BTBD3: variants seen among roughly 807,000 people sequenced by gnomAD.
BTBD3 encodes BTB domain containing 3.
Under a neutral mutation model 41.6 loss-of-function variants are expected in BTBD3, and 14 were observed. The ratio of observed to expected loss-of-function variants is 0.34; its 90% CI spans 0.22 to 0.53. BTBD3 has a LOEUF of 0.53. BTBD3 is among the 20% of genes least tolerant of loss of function. The pLI, the probability that BTBD3 is intolerant of heterozygous loss-of-function variation, is 0.95. For missense variants in BTBD3, 426 were observed against 654.7 expected (o/e 0.65, Z 3.81); for synonymous variants, 249 against 233.7 (o/e 1.07, Z -0.60).
At chr20:11,905,602 G>A (rs1358588096) in intron 1 of BTBD3, among the ~76,000 whole-genome samples, 1 of 152,204 alleles carries the variant, frequency 6.6e-6, no homozygotes, top group Middle Eastern at 3.2e-3. Context: ...TCATTCAGGT[G>A]TGGGTGAGGA....
intron 1 of BTBD3, among the ~76,000 whole-genome samples, chr20:11,908,863 A>C (rs1268079088): frequency 1.3e-5 from 2 of 152,204 alleles, no homozygotes; most frequent in Non-Finnish European, 2.9e-5. Context: ...ATTATATTTA[A>C]GGTTATACCA....
chr20:11,891,693 C>G lies in BTBD3; in HGVS notation c.-126+739C>G, dbSNP rs562005059. On this transcript the variant is annotated intron_variant, in intron 1 of 4. Transcript: ENST00000254977. ...TCTCTTGGGAAGAAAAGGCTTTTAC[C>G]TCCTGGCCTTTTCAAAGAAAGTATT... Among the ~76,000 whole-genome samples the G allele has an allele frequency of 2.4e-4, 36 of 152,268 alleles. No individual in the cohort carries two copies. The South Asian group carries it at 3.3e-3, about 14-fold the overall frequency.
chr20:11,919,626 T>C, intron 2 of BTBD3, 92 bp from the exon 3 acceptor site: 1 of 1,367,560 alleles, frequency 7.3e-7, no homozygotes. Context: ...CTATGTTTAC[T>C]AAACCTGATT....
intron 1 of BTBD3, among the ~76,000 whole-genome samples, chr20:11,909,168 G>T (rs2122238201): frequency 6.6e-6 from 1 of 151,938 alleles, no homozygotes; most frequent in Non-Finnish European, 1.5e-5. Context: ...CAGGTATTTG[G>T]GAAGTTGAGG....
upstream of BTBD3, among the ~76,000 whole-genome samples, chr20:11,914,206 A>G (rs974657538): frequency 6.6e-6 from 1 of 152,178 alleles, no homozygotes; most frequent in African/African-American, 2.4e-5. Flanking sequence ...CCAGTGGGTG[A>G]TGTTTCTGGG....
At chr20:11,891,986 C>T (rs2056757527) in intron 1 of BTBD3, among the ~76,000 whole-genome samples, 1 of 152,106 alleles carries the variant, frequency 6.6e-6, no homozygotes, top group Non-Finnish European at 1.5e-5. Context: ...TTTTAAAGAT[C>T]CCCAGGTGAT....
At chr20:11,908,465 A>C (rs139837779) in intron 1 of BTBD3, among the ~76,000 whole-genome samples, 1 of 151,528 alleles carries the variant, frequency 6.6e-6, no homozygotes, top group East Asian at 1.9e-4. Flanking sequence ...TTGTTATGTG[A>C]TGCAGAGACT....
At chr20:11,895,825 T>C (rs190822445) in intron 1 of BTBD3, among the ~76,000 whole-genome samples, 4 of 152,340 alleles carry the variant, frequency 2.6e-5, no homozygotes, top group Admixed American at 6.5e-5. Context: ...TTGAGCAGAC[T>C]GGAGTGAGTA....
intron 1 of BTBD3, 39 bp downstream of exon 1, chr20:11,918,640 C>T (rs777857030): frequency 5.8e-5 from 88 of 1,523,836 alleles, no homozygotes; most frequent in Non-Finnish European, 7.0e-5. Flanking sequence ...AAAAGTTTTC[C>T]TGTGTTGAAG....
rs1004735686 is a variant in BTBD3, at chr20:11,924,322, C to G, written c.*656C>G. The G allele has an allele frequency of 1.3e-5, 2 of 152,102 alleles. No homozygotes were observed. The highest frequency in any genetic ancestry group is 4.8e-5 in the African/African-American group (2 of 41,418). The allele number at this position is 152,102 out of a possible 1,614,324, so 9.4% of individuals were successfully genotyped here. On this transcript the variant is annotated 3_prime_UTR_variant, in exon 4 of 4. Coordinates refer to ENST00000378226, the MANE Select transcript of BTBD3 (RefSeq NM_014962.4). ...TTGTTTAGGCCATGACTTCTACAAGCAGATTTCTTTTCTTTTAGTTTAGAA... is the reference window on the plus strand; with the variant it reads ...TTGTTTAGGCCATGACTTCTACAAGGAGATTTCTTTTCTTTTAGTTTAGAA...
At chr20:11,898,643 A>G (rs2056805092) in intron 1 of BTBD3, among the ~76,000 whole-genome samples, 1 of 152,202 alleles carries the variant, frequency 6.6e-6, no homozygotes, top group South Asian at 2.1e-4. Context: ...TATTTTTTGA[A>G]TGAATGAATG....
At chr20:11,922,251 C>G (rs114732009) in intron 3 of BTBD3, among the ~76,000 whole-genome samples, 1 of 152,074 alleles carries the variant, frequency 6.6e-6, no homozygotes, top group Non-Finnish European at 1.5e-5. Flanking sequence ...TAAAACATAA[C>G]GAGACTATTC....
At chr20:11,915,027 C>CT (rs1185482275), upstream of BTBD3, among the ~76,000 whole-genome samples, 7 of 152,176 alleles carry the variant, frequency 4.6e-5, no homozygotes, top group Admixed American at 4.6e-4. Context: ...TCGCCTTTCT[C>CT]TATTTTAAGT....
At chr20:11,914,635 TA>T (rs113382976), upstream of BTBD3, among the ~76,000 whole-genome samples, 95 of 145,174 alleles carry the variant, frequency 6.5e-4, 1 homozygote, top group African/African-American at 1.7e-3. Flanking sequence ...AATAATAAAA[TA>T]AAAAAAAAAG....
At chr20:11,890,904 G>C (rs1304056638) in exon 1 of BTBD3, 5 of 984,960 alleles carry the variant, frequency 5.1e-6, no homozygotes, top group Non-Finnish European at 4.8e-6. Context: ...AGCGGGCACA[G>C]GGCAAGGCGG....
chr20:11,916,007 C>A (rs937945892), upstream of BTBD3, among the ~76,000 whole-genome samples: 1 of 152,072 alleles, frequency 6.6e-6, no homozygotes, highest in South Asian at 2.1e-4. Context: ...ATCACAAACC[C>A]TTCTAAGTTC....
chr20:11,909,727 A>G (rs2056878129), intron 1 of BTBD3: 1 of 152,248 alleles, frequency 6.6e-6, no homozygotes, highest in Non-Finnish European at 1.5e-5. Context: ...GTGTTTGTCA[A>G]AATGTGAAAT....
rs140066549 is a variant in BTBD3, at chr20:11,890,829, G to A, written c.-251G>A. ...CGCTCGCTCCCGCAGAGCGTGCCCTGCGTGCGGGTGCCCGCCGAGCCCGCC... is the reference window on the plus strand; with the variant it reads ...CGCTCGCTCCCGCAGAGCGTGCCCTACGTGCGGGTGCCCGCCGAGCCCGCC... On this transcript the variant is annotated 5_prime_UTR_variant, in exon 1 of 5. Coordinates refer to the BTBD3 transcript ENST00000254977. 6.6e-4 allele frequency: 650 copies of A among 985,204 alleles called. 14 individuals carry two copies. In the East Asian group the frequency reaches 0.037, roughly 56 times the overall value. The allele number at this position is 985,204 out of a possible 1,614,324, so 61.0% of individuals were successfully genotyped here.
rs1473334615 is a variant in BTBD3, at chr20:11,923,596, G to T, written c.1499G>T (p.Cys500Phe). The stretch of plus-strand genomic sequence containing the variant: ...GGCAAAGTGACTGTCCAGTTTCAGT[G>T]CTCCTCAGATAGCACCAATGGCACT... The part of the protein sequence containing the change: ...QCGKVTVQFQ[C>F]SSDSTNGTGV... Residue 500 changes from cysteine (C) to phenylalanine (F), a missense_variant, in exon 4 of 4, where the codon TGC becomes TTC. By Grantham distance (205) the Cys-to-Phe change is radical. Transcript: ENST00000378226. The surrounding 1 kb of genome is among the most constrained non-coding windows in gnomAD (Gnocchi z 5.3). The T allele has an allele frequency of 6.2e-7, 1 of 1,614,118 alleles. No individual in the cohort carries two copies. Among genetic ancestry groups the T allele is most frequent in the Admixed American group, 1.7e-5 (1 of 60,012 alleles).
Sources: allele counts gnomAD v4.1 joint callset (sites outside exome capture counted in the v4.1 genomes callset), GRCh38; gene constraint gnomAD v4.1.1; non-coding constraint Gnocchi (gnomAD v3.1); transcripts MANE v1.5; gene names NCBI Gene and HGNC (gene_info 2026-07-23, HGNC 2026-07-21).